The following LRRC28 variants were observed in gnomAD, a reference collection of about 807,000 sequenced individuals.
The protein encoded by LRRC28 is leucine rich repeat containing 28, also known as leucine-rich repeat-containing protein 28.
Under a neutral mutation model 45.7 loss-of-function variants are expected in LRRC28, and 39 were observed. The ratio of observed to expected loss-of-function variants is 0.85; its 90% CI spans 0.66 to 1.12. The LOEUF (loss-of-function observed/expected upper bound fraction) is 1.12. Ranked by LOEUF, LRRC28 falls within the 50% of genes most tolerant of loss-of-function variation. The probability of loss-of-function intolerance (pLI) is 0.00; values close to 1 mark genes in which losing one functional copy is unlikely to be tolerated. For synonymous variants in LRRC28, 206 were observed against 178.8 expected, an observed-to-expected ratio of 1.15 and a Z score of -1.22; for missense variants, 435 against 438.5, an observed-to-expected ratio of 0.99 and a Z score of 0.07.
At chr15:99,256,251 T>C in intron 2 of LRRC28, 126 bp downstream of exon 2, 1 of 631,236 alleles carries the variant, frequency 1.6e-6, no homozygotes, top group Non-Finnish European at 2.4e-6. Flanking sequence ...ACAGTTAATA[T>C]AAATACACAC....
rs2082175080 is a variant in LRRC28 at position 99,293,361 on chromosome 15, A to G, written c.385+5410A>G. ...GGAATCCCAACACTTTGGGAGGCCA[A>G]GGTGGGTGGATCACCTGAGGTTGGG... On this transcript the variant is annotated intron_variant, in intron 5 of 9. Coordinates refer to ENST00000301981, the MANE Select transcript of LRRC28 (RefSeq NM_144598.5). Among the ~76,000 whole-genome samples, 5 of 152,076 alleles carry G rather than the reference A, an allele frequency of 3.3e-5. No homozygotes were observed. In the South Asian group the frequency reaches 1.0e-3, roughly 31 times the overall value.
At chr15:99,268,672 G>A (rs1047969592) in intron 2 of LRRC28, among the ~76,000 whole-genome samples, 13 of 151,860 alleles carry the variant, frequency 8.6e-5, no homozygotes, top group Non-Finnish European at 1.2e-4. Flanking sequence ...CCCCACCCCC[G>A]CAAAACCAAA....
chr15:99,337,505 G>A (rs911224666), intron 6 of LRRC28, among the ~76,000 whole-genome samples: 2 of 152,234 alleles, frequency 1.3e-5, no homozygotes, highest in African/African-American at 4.8e-5. Context: ...TGGCTAAGGA[G>A]GTGGGCATCT....
intron 2 of LRRC28, 79 bp downstream of exon 2, chr15:99,256,204 A>C: frequency 8.6e-7 from 1 of 1,164,280 alleles, no homozygotes; most frequent in South Asian, 1.8e-5. Flanking sequence ...ACCCTAAGGT[A>C]TTCAGACCAA....
chr15:99,376,821 T>C (rs1300112554), intron 9 of LRRC28, among the ~76,000 whole-genome samples: 4 of 152,192 alleles, frequency 2.6e-5, no homozygotes, highest in African/African-American at 9.7e-5. Flanking sequence ...TGTGATAATT[T>C]GCTGAGAATG....
At position 99,387,114 on chromosome 15, in the gene LRRC28, G is replaced by C. The variant is rs1231667414; in HGVS notation, c.*1012G>C. ...CTCGCTCTGTCGCCCAGGCTGGAGT[G>C]CAGTGGCGGGATCTCGGCTCACTGC... is the stretch of plus-strand genomic sequence containing the variant. On this transcript the variant is annotated 3_prime_UTR_variant, in exon 10 of 10. Coordinates refer to ENST00000301981, the MANE Select transcript of LRRC28 (RefSeq NM_144598.5). The C allele has an allele frequency of 6.6e-6, 1 of 151,478 alleles. No homozygotes were observed. The highest frequency in any genetic ancestry group is 2.1e-4 in the South Asian group (1 of 4,754). The allele number at this position is 151,478 out of a possible 1,614,324, so 9.4% of individuals were successfully genotyped here. A position where few individuals can be genotyped will look rare whatever the true frequency, so the allele number is the denominator to read the frequency against.
chr15:99,326,651 T>A (rs1217454634), intron 5 of LRRC28: 1 of 152,212 alleles, frequency 6.6e-6, no homozygotes, highest in Non-Finnish European at 1.5e-5. Context: ...TCACAATTTC[T>A]GGTCCATGAT....
At chr15:99,317,752 T>C (rs1165811193) in intron 5 of LRRC28, among the ~76,000 whole-genome samples, 2 of 152,192 alleles carry the variant, frequency 1.3e-5, no homozygotes, top group Non-Finnish European at 2.9e-5. Context: ...CTTGGAAATT[T>C]TATTTGCAAC....
intron 7 of LRRC28, among the ~76,000 whole-genome samples, chr15:99,357,397 G>T (rs1957076833): frequency 6.6e-6 from 1 of 152,126 alleles, no homozygotes; most frequent in Admixed American, 6.6e-5. Context: ...CATCATTACT[G>T]CACAGCAATG....
At chr15:99,292,239 T>C (rs1287840967) in intron 5 of LRRC28, among the ~76,000 whole-genome samples, 1 of 152,212 alleles carries the variant, frequency 6.6e-6, no homozygotes, top group African/African-American at 2.4e-5. Flanking sequence ...AAGCCTAGTG[T>C]ACATTGAGGA....
At chr15:99,342,440 A>G (rs1296147508) in intron 6 of LRRC28, among the ~76,000 whole-genome samples, 2 of 152,202 alleles carry the variant, frequency 1.3e-5, no homozygotes, top group Non-Finnish European at 2.9e-5. Context: ...GGAATCTTGG[A>G]CTTCGGAAGG....
rs563386111 is a variant in LRRC28, at chr15:99,311,153, A to T, written c.386-22770A>T. 2.0e-5 allele frequency among the ~76,000 whole-genome samples: 3 copies of T among 152,174 alleles called. No individual in the cohort carries two copies. In the East Asian group the frequency reaches 5.8e-4, roughly 29 times the overall value. On this transcript the variant is annotated intron_variant, in intron 5 of 9. Coordinates refer to ENST00000301981, the MANE Select transcript of LRRC28 (RefSeq NM_144598.5). The stretch of plus-strand genomic sequence containing the variant: ...TATATTTCAGCTAAAGGGGACTGGG[A>T]GGGTCTTTTCTGTCTTGGGGACATG...
intron 9 of LRRC28, among the ~76,000 whole-genome samples, chr15:99,375,315 TA>T (rs1957597305): frequency 6.6e-6 from 1 of 152,170 alleles, no homozygotes; most frequent in Admixed American, 6.5e-5. Flanking sequence ...ACTCCTGGAA[TA>T]ACTCCCACTT....
At chr15:99,261,282 C>A (rs977440054) in intron 2 of LRRC28, among the ~76,000 whole-genome samples, 1 of 152,242 alleles carries the variant, frequency 6.6e-6, no homozygotes, top group Non-Finnish European at 1.5e-5. Flanking sequence ...GGAAAGCAAT[C>A]CTCTCTTTGT....
At chr15:99,257,688 A>T in intron 2 of LRRC28, 1 of 760,394 alleles carries the variant, frequency 1.3e-6, no homozygotes, top group East Asian at 2.5e-5. Flanking sequence ...CGGGTCGGTC[A>T]GAGCTGTTGA....
Position 99,352,445 on chromosome 15 carries a change from G to A in LRRC28, c.669G>A (p.Leu223=), listed in dbSNP as rs1956913636. Residue 223 remains leucine, a synonymous_variant, in exon 7 of 10, where the codon CTG becomes CTA. Transcript: ENST00000301981. The stretch of plus-strand genomic sequence containing the variant: ...ACCTGAAAGGCTTGCCATCTTATCT[G>A]TACAATAAAGTCATCGGGTGCAGTG... ...NIHLKGLPSY[L]YNKVIGCSGC... 8.1e-6 allele frequency: 13 copies of A among 1,613,862 alleles called. No homozygotes were observed. Among genetic ancestry groups the A allele is most frequent in the Non-Finnish European group, 1.0e-5 (12 of 1,179,896 alleles).
At chr15:99,355,045 A>G (rs1194984366) in intron 7 of LRRC28, among the ~76,000 whole-genome samples, 1 of 152,234 alleles carries the variant, frequency 6.6e-6, no homozygotes, top group Non-Finnish European at 1.5e-5. Context: ...ACAATGGGGT[A>G]TAAAACTTAT....
intron 9 of LRRC28, among the ~76,000 whole-genome samples, chr15:99,363,690 A>G (rs1460954564): frequency 6.6e-6 from 1 of 152,182 alleles, no homozygotes; most frequent in African/African-American, 2.4e-5. Flanking sequence ...GTGCATGCGC[A>G]CACACACACA....
At chr15:99,310,108 T>C (rs1955349611) in intron 5 of LRRC28, among the ~76,000 whole-genome samples, 1 of 151,960 alleles carries the variant, frequency 6.6e-6, no homozygotes, top group African/African-American at 2.4e-5. Flanking sequence ...TTAAAACATA[T>C]CAGATATAGA....
Sources: gnomAD v4.1 joint callset for allele counts (sites outside exome capture counted in the v4.1 genomes callset) on GRCh38, gnomAD v4.1.1 for gene constraint, MANE v1.5 for transcripts, NCBI Gene and HGNC (gene_info 2026-07-23, HGNC 2026-07-21) for gene names.